PLCL1: variants seen among roughly 807,000 people sequenced by gnomAD.
PLCL1 encodes phospholipase C like 1 (inactive).
In PLCL1, 41 loss-of-function variants were observed where a neutral mutation model predicts 84.4. The ratio of observed to expected loss-of-function variants is 0.49; its 90% CI spans 0.38 to 0.63. The LOEUF is 0.63. PLCL1 is among the 30% of genes least tolerant of loss of function. The pLI, the probability that PLCL1 is intolerant of heterozygous loss-of-function variation, is 0.00. For synonymous variants in PLCL1, 490 were observed against 488.3 expected (o/e 1.00, Z -0.05); for missense variants, 1,206 against 1,367.8 (o/e 0.88, Z 1.87).
chr2:197,922,725 C>T (rs1457817691), intron 1 of PLCL1, among the ~76,000 whole-genome samples: 23 of 115,876 alleles, frequency 2.0e-4, no homozygotes, highest in Middle Eastern at 5.6e-3. Flanking sequence ...TAGGGGCGGC[C>T]GGGCAGAGGC....
intron 1 of PLCL1, among the ~76,000 whole-genome samples, chr2:198,072,049 T>A (rs1208295455): frequency 2.0e-5 from 3 of 151,944 alleles, no homozygotes; most frequent in Non-Finnish European, 4.4e-5. Context: ...TCATTACAAT[T>A]TGATTGTATT....
chr2:197,960,143 T>C (rs753198844), intron 1 of PLCL1, among the ~76,000 whole-genome samples: 1 of 152,046 alleles, frequency 6.6e-6, no homozygotes, highest in Non-Finnish European at 1.5e-5. Context: ...TTCACATTAA[T>C]AAAAAACATG....
At chr2:198,043,510 G>A (rs796564337) in intron 1 of PLCL1, among the ~76,000 whole-genome samples, 1 of 152,168 alleles carries the variant, frequency 6.6e-6, no homozygotes. Context: ...TGCCATCAAC[G>A]TGGCAAGGAT....
At chr2:197,903,390 G>C (rs1300059432) in intron 1 of PLCL1, among the ~76,000 whole-genome samples, 4 of 149,652 alleles carry the variant, frequency 2.7e-5, no homozygotes, top group Non-Finnish European at 5.9e-5. Context: ...ATAAATCTCA[G>C]AGGAATATCT....
chr2:197,822,549 T>G (rs1312179913), intron 1 of PLCL1, among the ~76,000 whole-genome samples: 2 of 152,192 alleles, frequency 1.3e-5, no homozygotes, highest in African/African-American at 4.8e-5. Context: ...GACACTGTTC[T>G]AAGCACTTTA....
intron 3 of PLCL1, among the ~76,000 whole-genome samples, chr2:198,096,774 G>T (rs1693207729): frequency 2.0e-5 from 3 of 152,176 alleles, no homozygotes; most frequent in Admixed American, 2.0e-4. Context: ...GAGAGCAGTT[G>T]ATAGTGCTAG....
chr2:197,998,693 A>T (rs1690526948), intron 1 of PLCL1, among the ~76,000 whole-genome samples: 1 of 152,118 alleles, frequency 6.6e-6, no homozygotes, highest in Non-Finnish European at 1.5e-5. Flanking sequence ...TGCTCCAATG[A>T]CTTAAAATGA....
chr2:197,850,701 T>C (rs1017747797), intron 1 of PLCL1, among the ~76,000 whole-genome samples: 3 of 152,200 alleles, frequency 2.0e-5, no homozygotes, highest in African/African-American at 4.8e-5. Flanking sequence ...TACACCTACC[T>C]ACTTCAGGTG....
rs186300729 is a variant in PLCL1, at chr2:197,999,499, G to A, written c.241-84259G>A. ...ATTTGTAAGAAATAGGCTTAAGTGA[G>A]ACTTGCTTGTTTAGTGATATTCATA... is the stretch of plus-strand genomic sequence containing the variant. On this transcript the variant is annotated intron_variant, in intron 1 of 5. Coordinates refer to ENST00000428675, the MANE Select transcript of PLCL1 (RefSeq NM_006226.4). Among the ~76,000 whole-genome samples the A allele has an allele frequency of 2.3e-3, 355 of 152,264 alleles. 1 individual carries two copies. The highest frequency in any genetic ancestry group is 8.1e-3 in the African/African-American group (335 of 41,550).
intron 1 of PLCL1, among the ~76,000 whole-genome samples, chr2:197,940,344 A>T (rs1001069319): frequency 6.6e-6 from 1 of 152,228 alleles, no homozygotes; most frequent in Non-Finnish European, 1.5e-5. Context: ...AGAAACTGAC[A>T]CTTTAATGAT....
At chr2:198,103,477 A>G (rs1163883943) in intron 4 of PLCL1, among the ~76,000 whole-genome samples, 1 of 152,064 alleles carries the variant, frequency 6.6e-6, no homozygotes, top group Non-Finnish European at 1.5e-5. Context: ...TGTACAATTA[A>G]CTTATTATTG....
At chr2:197,887,745 C>G (rs1687948459) in intron 1 of PLCL1, among the ~76,000 whole-genome samples, 1 of 152,112 alleles carries the variant, frequency 6.6e-6, no homozygotes, top group Non-Finnish European at 1.5e-5. Context: ...TCCCACCATT[C>G]CGAGTCTCCA....
intron 1 of PLCL1, among the ~76,000 whole-genome samples, chr2:197,974,606 C>A (rs1417278792): frequency 2.0e-5 from 3 of 152,202 alleles, no homozygotes; most frequent in Non-Finnish European, 4.4e-5. Context: ...GTTTCTACAG[C>A]CATATATGTG....
chr2:198,031,051 A>G (rs1393740065), intron 1 of PLCL1, among the ~76,000 whole-genome samples: 3 of 152,176 alleles, frequency 2.0e-5, no homozygotes, highest in Non-Finnish European at 4.4e-5. Context: ...ATCATGCCTT[A>G]GTTGCTTTAC....
intron 1 of PLCL1, among the ~76,000 whole-genome samples, chr2:197,869,754 T>A (rs1182514761): frequency 6.6e-6 from 1 of 152,142 alleles, no homozygotes; most frequent in Non-Finnish European, 1.5e-5. Context: ...TTGGTTTTAA[T>A]CCCTCCTCAC....
chr2:198,099,948 T>C (rs923543492), intron 3 of PLCL1, among the ~76,000 whole-genome samples: 5 of 152,092 alleles, frequency 3.3e-5, no homozygotes, highest in African/African-American at 1.2e-4. Context: ...CAGTACTTAA[T>C]TTGAAAGAGA....
intron 1 of PLCL1, among the ~76,000 whole-genome samples, chr2:197,943,825 C>A (rs1305966537): frequency 6.6e-6 from 1 of 152,082 alleles, no homozygotes; most frequent in Non-Finnish European, 1.5e-5. Flanking sequence ...CCAAACAGTT[C>A]TGTAAAATAT....
rs1292521130 is a variant in PLCL1 at position 197,998,540 on chromosome 2, C to A, written c.241-85218C>A. The stretch of plus-strand genomic sequence containing the variant: ...CCAATGTATTTATTGCCCACTCGAA[C>A]TACTTCCTCTCATCATGGGGGCCTC... On this transcript the variant is annotated intron_variant, in intron 1 of 5. Transcript: ENST00000428675. 2.6e-5 allele frequency among the ~76,000 whole-genome samples: 4 copies of A among 152,132 alleles called. No individual in the cohort carries two copies. The East Asian group carries it at 5.8e-4, about 22-fold the overall frequency.
chr2:197,868,577 T>C (rs1015968236), intron 1 of PLCL1, among the ~76,000 whole-genome samples: 1 of 152,150 alleles, frequency 6.6e-6, no homozygotes, highest in African/African-American at 2.4e-5. Flanking sequence ...CATAGCTGAC[T>C]GGAGCCTCAT....
Sources: gnomAD v4.1 joint callset for allele counts (sites outside exome capture counted in the v4.1 genomes callset) on GRCh38, gnomAD v4.1.1 for gene constraint, MANE v1.5 for transcripts, NCBI Gene and HGNC (gene_info 2026-07-23, HGNC 2026-07-21) for gene names.